Variants in NLRP8 observed in about 807,000 individuals in gnomAD.
NLRP8 encodes NLR family pyrin domain containing 8.
NLRP8 carries 86 observed loss-of-function variants against 88.7 expected under a neutral mutation model. The observed-to-expected ratio is 0.97, with a 90% CI of 0.81 to 1.16. NLRP8 has a LOEUF of 1.16. NLRP8 is among the 50% of genes most tolerant of loss of function. The pLI is 0.00. For missense variants in NLRP8, 1,342 were observed against 1,286.5 expected, an observed-to-expected ratio of 1.04 and a Z score of -0.66; for synonymous variants, 504 against 494.6, an observed-to-expected ratio of 1.02 and a Z score of -0.25.
At position 55,968,827 on chromosome 19, in the gene NLRP8, G is replaced by A. The variant is rs1026688401; in HGVS notation, c.2382-1717G>A. Among the ~76,000 whole-genome samples, 41 of 152,174 alleles carry A rather than the reference G, an allele frequency of 2.7e-4. 2 individuals carry two copies. Among genetic ancestry groups the A allele is most frequent in the Non-Finnish European group, 1.5e-5 (1 of 68,018 alleles). On this transcript the variant is annotated intron_variant, in intron 5 of 9. Transcript: ENST00000291971. ...GTAGAAAACCAAGTGGCACTCCAGA[G>A]GAGGCCCACGAGCCACTGCTTGCCA...
At chr19:55,978,403 A>G (rs189332315) in intron 8 of NLRP8, among the ~76,000 whole-genome samples, 7 of 152,190 alleles carry the variant, frequency 4.6e-5, no homozygotes, top group Admixed American at 3.3e-4. Flanking sequence ...CTGAAATTGC[A>G]TGACGTATAA....
rs145874252 is a variant in NLRP8 at position 55,956,817 on chromosome 19, G to C, written c.2042+717G>C. ...CTATCACTCCTACTTCTGTTTTTGA[G>C]ATAGGGTCTCTTTCTGTCACCCAGG... On this transcript the variant is annotated intron_variant, in intron 3 of 9. Transcript: ENST00000291971. 2.3e-3 allele frequency among the ~76,000 whole-genome samples: 354 copies of C among 152,150 alleles called. 4 individuals carry two copies. The highest frequency in any genetic ancestry group is 8.0e-3 in the African/African-American group (333 of 41,500).
At chr19:55,962,322 C>T in intron 4 of NLRP8, 85 bp downstream of exon 4, 2 of 1,393,476 alleles carry the variant, frequency 1.4e-6, no homozygotes, top group Non-Finnish European at 9.8e-7. Context: ...TCTCCACTCA[C>T]ACTAGACTTC....
chr19:55,962,333 C>G (rs78378850), intron 4 of NLRP8, 96 bp downstream of exon 4: 17 of 1,309,324 alleles, frequency 1.3e-5, no homozygotes, highest in Non-Finnish European at 1.8e-5. Context: ...ACTAGACTTC[C>G]GGAAAGCACC....
At chr19:55,965,281 T>C (rs994324165) in intron 4 of NLRP8, among the ~76,000 whole-genome samples, 2 of 152,028 alleles carry the variant, frequency 1.3e-5, no homozygotes, top group Admixed American at 1.3e-4. Flanking sequence ...TAAAATCCTG[T>C]CTCTATTAAA....
At chr19:55,962,895 G>A (rs1441383016) in intron 4 of NLRP8, among the ~76,000 whole-genome samples, 2 of 152,212 alleles carry the variant, frequency 1.3e-5, no homozygotes, top group African/African-American at 2.4e-5. Context: ...TCAGCACACT[G>A]TGTAATCCAG....
intron 9 of NLRP8, among the ~76,000 whole-genome samples, chr19:55,979,848 G>T (rs1388202307): frequency 1.3e-5 from 2 of 152,100 alleles, no homozygotes; most frequent in Non-Finnish European, 2.9e-5. Context: ...GGGCCCAGGA[G>T]GTTGAGGCTA....
At chr19:55,956,679 G>C (rs899350829) in intron 3 of NLRP8, among the ~76,000 whole-genome samples, 3 of 152,116 alleles carry the variant, frequency 2.0e-5, no homozygotes, top group African/African-American at 7.2e-5. Context: ...AGGTGTTCCT[G>C]GGATATAGGA....
chr19:55,959,004 G>C lies in NLRP8; in HGVS notation c.2042+2904G>C, dbSNP rs996979944. On this transcript the variant is annotated intron_variant, in intron 3 of 9. Transcript: ENST00000291971. ...CGCCATTCTCCTGCCTCAGCCTCCCGAGTAGCTGGGACTACAGGCGCCCGC... is the reference window on the plus strand; with the variant it reads ...CGCCATTCTCCTGCCTCAGCCTCCCCAGTAGCTGGGACTACAGGCGCCCGC... Among the ~76,000 whole-genome samples, 379 of 142,176 alleles carry C rather than the reference G, an allele frequency of 2.7e-3. No homozygotes were observed. The Middle Eastern group carries it at 0.041, about 15-fold the overall frequency. 93.3% of individuals were successfully genotyped at this position (142,176 alleles called of 152,430 possible). A position where few individuals can be genotyped will look rare whatever the true frequency, so the allele number is the denominator to read the frequency against.
At chr19:55,985,329 A>G (rs1185625600) in intron 9 of NLRP8, among the ~76,000 whole-genome samples, 2 of 151,950 alleles carry the variant, frequency 1.3e-5, no homozygotes, top group Non-Finnish European at 2.9e-5. Flanking sequence ...AAAAGAAAAA[A>G]AAGAAATGCA....
At chr19:55,985,139 T>A (rs1980749473) in intron 9 of NLRP8, among the ~76,000 whole-genome samples, 1 of 151,996 alleles carries the variant, frequency 6.6e-6, no homozygotes, top group Admixed American at 6.6e-5. Context: ...CCGTCTCTAC[T>A]AAAGATACAA....
At chr19:55,974,577 A>G (rs1335642738) in intron 7 of NLRP8, among the ~76,000 whole-genome samples, 3 of 152,008 alleles carry the variant, frequency 2.0e-5, no homozygotes, top group African/African-American at 4.8e-5. Flanking sequence ...TCTACTAAAA[A>G]TACAAAAAAT....
In NLRP8 at chr19:55,955,602, C is replaced by A; in HGVS notation, c.1544C>A (p.Ala515Glu). The change falls in exon 3 of 10, where the codon GCG (alanine) becomes GAG (glutamate). Residue 515 changes from alanine (A) to glutamate (E), a missense_variant. Ala to Glu is a moderately radical substitution (Grantham distance 107, BLOSUM62 -1). Coordinates refer to ENST00000291971, the MANE Select transcript of NLRP8 (RefSeq NM_176811.2). ...CTCGTGACTTTTCAGGAATTTTTTG[C>A]GGCCTTGTTTTATGTTCTCTGTTTC... 1 of 1,614,106 alleles carries A rather than the reference C, an allele frequency of 6.2e-7. No homozygotes were observed. Among genetic ancestry groups the A allele is most frequent in the Non-Finnish European group, 8.5e-7 (1 of 1,180,012 alleles).
intron 3 of NLRP8, among the ~76,000 whole-genome samples, chr19:55,959,180 G>A (rs1979506165): frequency 6.6e-6 from 1 of 150,760 alleles, no homozygotes; most frequent in South Asian, 2.1e-4. Context: ...GCCTAGCCAG[G>A]GTGTATTTTT....
chr19:55,982,346 A>G (rs1360850497), intron 9 of NLRP8, among the ~76,000 whole-genome samples: 1 of 152,158 alleles, frequency 6.6e-6, no homozygotes, highest in Non-Finnish European at 1.5e-5. Flanking sequence ...TTCCATGTTT[A>G]TTGCAGCACT....
intron 2 of NLRP8, among the ~76,000 whole-genome samples, chr19:55,953,643 G>T (rs1979196950): frequency 6.6e-6 from 1 of 151,988 alleles, no homozygotes; most frequent in South Asian, 2.1e-4. Flanking sequence ...GGGATTACAG[G>T]CACATGCCAC....
intron 3 of NLRP8, among the ~76,000 whole-genome samples, chr19:55,960,037 C>A (rs918389022): frequency 6.6e-6 from 1 of 151,862 alleles, no homozygotes. Flanking sequence ...TCTTCAGACC[C>A]CTAATAAAAA....
At position 55,955,530 on chromosome 19, in the gene NLRP8, G is replaced by A; in HGVS notation, c.1472G>A (p.Ser491Asn). 5 of 1,614,188 alleles carry A rather than the reference G, an allele frequency of 3.1e-6. No homozygotes were observed. The South Asian group carries it at 3.3e-5, about 11-fold the overall frequency. The change falls in exon 3 of 10, where the codon AGT becomes AAT. Residue 491 changes from serine (S) to asparagine (N), a missense_variant. Physicochemically the swap from Ser to Asn is conservative, Grantham distance 46. Coordinates refer to ENST00000291971, the MANE Select transcript of NLRP8 (RefSeq NM_176811.2). ...GGAGTCACCGCCTTCCTTGGCATGA[G>A]TATTCTTCGGAGAATTGCAGGTGAG... is the stretch of plus-strand genomic sequence containing the variant.
chr19:55,951,064 T>A (rs548820838), intron 1 of NLRP8, among the ~76,000 whole-genome samples: 1 of 151,896 alleles, frequency 6.6e-6, no homozygotes, highest in Non-Finnish European at 1.5e-5. Flanking sequence ...GGTGACAGAG[T>A]GAGACTTAGT....
Sources: gnomAD v4.1 joint callset for allele counts (sites outside exome capture counted in the v4.1 genomes callset) on GRCh38, gnomAD v4.1.1 for gene constraint, MANE v1.5 for transcripts, NCBI Gene and HGNC (gene_info 2026-07-23, HGNC 2026-07-21) for gene names.